The following RAPGEF6 variants were observed in gnomAD, a reference collection of about 807,000 sequenced individuals.
RAPGEF6 encodes the protein PDZ domain containing guanine nucleotide exchange factor (GEF) 2.
A neutral mutation model predicts 171.4 loss-of-function variants in RAPGEF6; 56 were observed. That is an observed-to-expected ratio of 0.33 (90% CI 0.26 to 0.41). The LOEUF (loss-of-function observed/expected upper bound fraction) is 0.41, where lower values mean the gene tolerates loss of function less well. RAPGEF6 is among the 10% of genes least tolerant of loss of function. The pLI is 1.00. For missense variants in RAPGEF6, 1,674 were observed against 1,921.4 expected (o/e 0.87, Z 2.41); for synonymous variants, 692 against 650.1 (o/e 1.06, Z -0.98).
At chr5:131,559,687 C>A (rs1387744648) in intron 5 of RAPGEF6, among the ~76,000 whole-genome samples, 2 of 127,134 alleles carry the variant, frequency 1.6e-5, no homozygotes, top group African/African-American at 3.0e-5. Context: ...ACAACAACAA[C>A]AAATTAGCTG....
chr5:131,613,637 C>A (rs1765081183), intron 1 of RAPGEF6, among the ~76,000 whole-genome samples: 1 of 151,978 alleles, frequency 6.6e-6, no homozygotes, highest in South Asian at 2.1e-4. Flanking sequence ...TCCAATAAAA[C>A]TTTACTTACA....
intron 7 of RAPGEF6, 102 bp from the exon 8 acceptor site, chr5:131,510,593 C>T (rs547844539): frequency 1.9e-6 from 2 of 1,080,508 alleles, no homozygotes; most frequent in African/African-American, 3.2e-5. Context: ...ATATAAAAGA[C>T]TTGGGCAACG....
chr5:131,476,358 C>T (rs967203300), intron 16 of RAPGEF6, among the ~76,000 whole-genome samples: 1 of 152,106 alleles, frequency 6.6e-6, no homozygotes, highest in East Asian at 1.9e-4. Flanking sequence ...GGCTGAGGCG[C>T]GTGGATCACC....
intron 19 of RAPGEF6, among the ~76,000 whole-genome samples, chr5:131,458,894 T>A (rs1753707599): frequency 6.6e-6 from 1 of 152,154 alleles, no homozygotes; most frequent in African/African-American, 2.4e-5. Flanking sequence ...GAACTTGTGA[T>A]CCACCTGCAT....
chr5:131,629,517 G>A (rs1766160465), intron 1 of RAPGEF6, among the ~76,000 whole-genome samples: 1 of 151,460 alleles, frequency 6.6e-6, no homozygotes, highest in Admixed American at 6.6e-5. Flanking sequence ...ACTTTGGGAG[G>A]CTAAGGTGGG....
At chr5:131,477,573 A>C (rs1467887671) in intron 16 of RAPGEF6, among the ~76,000 whole-genome samples, 1 of 152,228 alleles carries the variant, frequency 6.6e-6, no homozygotes, top group Non-Finnish European at 1.5e-5. Flanking sequence ...CTGTAACCAA[A>C]GACAGAATTC....
intron 5 of RAPGEF6, among the ~76,000 whole-genome samples, chr5:131,561,592 G>A (rs1312994261): frequency 1.3e-5 from 2 of 150,680 alleles, no homozygotes; most frequent in Non-Finnish European, 2.9e-5. Flanking sequence ...CCTAGGAGGC[G>A]GAGGTTGCAG....
chr5:131,445,493 C>CTGTGTGTGTGTGTG (rs11269268), intron 22 of RAPGEF6, among the ~76,000 whole-genome samples: 8,673 of 147,252 alleles, frequency 0.059, 643 homozygotes, highest in African/African-American at 0.18. Context: ...AACTCACTCT[C>CTGTGTGTGTGTGTG]TGTGTGTGTG....
At chr5:131,460,199 A>G (rs1412086265) in intron 19 of RAPGEF6, among the ~76,000 whole-genome samples, 1 of 152,128 alleles carries the variant, frequency 6.6e-6, no homozygotes, top group Non-Finnish European at 1.5e-5. Context: ...GCCCTTTCCT[A>G]TCCACTCCCT....
chr5:131,628,881 T>C (rs1422874098), intron 1 of RAPGEF6, among the ~76,000 whole-genome samples: 4 of 152,196 alleles, frequency 2.6e-5, no homozygotes, highest in African/African-American at 9.7e-5. Flanking sequence ...TTAAGTCCAC[T>C]GATGAGACCC....
chr5:131,627,023 A>C (rs1322155979), intron 1 of RAPGEF6, among the ~76,000 whole-genome samples: 1 of 152,200 alleles, frequency 6.6e-6, no homozygotes, highest in Non-Finnish European at 1.5e-5. Flanking sequence ...GGGTAGAAAC[A>C]ATAAAACAGA....
chr5:131,596,679 A>G (rs896392520), intron 3 of RAPGEF6, among the ~76,000 whole-genome samples: 10 of 152,212 alleles, frequency 6.6e-5, no homozygotes, highest in African/African-American at 1.2e-4. Context: ...TAGAAAATGT[A>G]TATCTCCTTG....
intron 4 of RAPGEF6, among the ~76,000 whole-genome samples, chr5:131,588,977 G>A (rs1763429625): frequency 6.6e-6 from 1 of 152,002 alleles, no homozygotes; most frequent in African/African-American, 2.4e-5. Context: ...GACTGAGACA[G>A]GAGAATTGCC....
At chr5:131,622,963 T>G (rs1051292284) in intron 1 of RAPGEF6, among the ~76,000 whole-genome samples, 42 of 152,346 alleles carry the variant, frequency 2.8e-4, no homozygotes, top group African/African-American at 1.0e-3. Context: ...TTTTTCTAAA[T>G]TCTGTAACAG....
Position 131,461,972 on chromosome 5 carries a change from G to A in RAPGEF6, c.2597C>T (p.Thr866Ile). 4 of 1,614,116 alleles carry A rather than the reference G, an allele frequency of 2.5e-6. No individual in the cohort carries two copies. Among genetic ancestry groups the A allele is most frequent in the Non-Finnish European group, 3.4e-6 (4 of 1,180,016 alleles). ...MLQLSTIEVATQLSMRDFDLF... is the reference protein window; with the variant it reads ...MLQLSTIEVAIQLSMRDFDLF... ...ATCAAAGTCCCTCATTGACAGCTGG[G>A]TGGCCACCTCAATGGTACTGAGCTG... Residue 866 changes from threonine to isoleucine, a missense_variant, in exon 19 of 28, where the codon ACC becomes ATC. Physicochemically the swap from Thr to Ile is moderately conservative, Grantham distance 89. Around this residue, in one of 3 missense-constraint regions of RAPGEF6, gnomAD observed 1,116 missense variants for 1,321.5 expected, o/e 0.84. Coordinates refer to ENST00000509018, the MANE Select transcript of RAPGEF6 (RefSeq NM_016340.6).
intron 3 of RAPGEF6, among the ~76,000 whole-genome samples, chr5:131,599,773 TA>T (rs921517698): frequency 6.6e-6 from 1 of 152,190 alleles, no homozygotes; most frequent in African/African-American, 2.4e-5. Flanking sequence ...CCATTTTTGA[TA>T]AATTTTTTTT....
In RAPGEF6 at chr5:131,442,427, C is replaced by G. The variant is rs748704197; in HGVS notation, c.3532G>C (p.Val1178Leu). 1.9e-6 allele frequency: 3 copies of G among 1,614,088 alleles called. No homozygotes were observed. The highest frequency in any genetic ancestry group is 2.5e-6 in the Non-Finnish European group (3 of 1,180,048). The part of the protein sequence containing the change: ...TKAHLHQPHR[V>L]SQVLQVPAVN... Reference sequence around the variant, plus strand: ...GCTGGCACCTGAAGCACCTGGCTTACTCTGTGGGGTTGATGCAAGTGGGCT... The same window carrying G: ...GCTGGCACCTGAAGCACCTGGCTTAGTCTGTGGGGTTGATGCAAGTGGGCT... The change falls in exon 23 of 28, where the codon GTA becomes CTA. Residue 1178 changes from valine to leucine, a missense_variant. Val to Leu is a conservative substitution (Grantham distance 32, BLOSUM62 1). Coordinates refer to ENST00000509018, the MANE Select transcript of RAPGEF6 (RefSeq NM_016340.6).
intron 25 of RAPGEF6, 114 bp from the exon 26 acceptor site, chr5:131,431,463 G>T: frequency 2.7e-6 from 3 of 1,126,778 alleles, no homozygotes; most frequent in Non-Finnish European, 3.8e-6. Context: ...AAGTGTTCAT[G>T]CCAAATAACA....
intron 7 of RAPGEF6, among the ~76,000 whole-genome samples, chr5:131,518,556 C>G (rs1561530041): frequency 1.3e-5 from 2 of 151,956 alleles, no homozygotes; most frequent in Non-Finnish European, 2.9e-5. Flanking sequence ...CTCCATCACC[C>G]CAGCTAATTT....
Sources: gnomAD v4.1 joint callset for allele counts (sites outside exome capture counted in the v4.1 genomes callset) on GRCh38, gnomAD v4.1.1 for gene constraint, gnomAD v4.1.1 regional missense constraint, MANE v1.5 for transcripts, NCBI Gene and HGNC (gene_info 2026-07-23, HGNC 2026-07-21) for gene names.